Variants in SNX14 observed in about 807,000 individuals in gnomAD.
SNX14 encodes sorting nexin 14.
SNX14 carries 93 observed loss-of-function variants against 133.8 expected under a neutral mutation model. The ratio of observed to expected loss-of-function variants is 0.70; its 90% CI spans 0.59 to 0.83. The LOEUF (loss-of-function observed/expected upper bound fraction) is 0.83. Ranked by LOEUF, SNX14 falls within the 40% of genes least tolerant of loss-of-function variation. The pLI is 0.00. For synonymous variants in SNX14, 368 were observed against 365.6 expected, an observed-to-expected ratio of 1.01 and a Z score of -0.07; for missense variants, 945 against 1,094.9, an observed-to-expected ratio of 0.86 and a Z score of 1.93.
chr6:85,545,231 A>G (rs1487481886), intron 12 of SNX14, among the ~76,000 whole-genome samples: 2 of 152,206 alleles, frequency 1.3e-5, no homozygotes, highest in Non-Finnish European at 2.9e-5. Flanking sequence ...AAAGGCAGCA[A>G]AGGAGAAAAA....
intron 12 of SNX14, 143 bp downstream of exon 12, chr6:85,546,969 A>C: frequency 2.8e-5 from 13 of 468,612 alleles, no homozygotes; most frequent in East Asian, 4.3e-5. Flanking sequence ...CTCAAACAAA[A>C]AAAAAAAAAA....
intron 6 of SNX14, among the ~76,000 whole-genome samples, chr6:85,563,526 G>A (rs1372267938): frequency 1.3e-5 from 2 of 152,078 alleles, no homozygotes; most frequent in East Asian, 3.9e-4. Flanking sequence ...TGAGTAGCTG[G>A]TATTACAGAT....
intron 1 of SNX14, among the ~76,000 whole-genome samples, chr6:85,583,744 G>A (rs145074937): frequency 3.3e-4 from 50 of 152,194 alleles, no homozygotes; most frequent in Admixed American, 9.8e-4. Context: ...AAGGAAATAC[G>A]AGAGGACACA....
chr6:85,533,552 C>T, intron 18 of SNX14, 47 bp downstream of exon 18: 1 of 1,562,212 alleles, frequency 6.4e-7, no homozygotes, highest in East Asian at 2.2e-5. Context: ...TAACAACAGA[C>T]TCATTCATGG....
At chr6:85,541,961 T>C in intron 15 of SNX14, 24 bp downstream of exon 15, 1 of 1,575,680 alleles carries the variant, frequency 6.3e-7, no homozygotes, top group African/African-American at 1.4e-5. Context: ...ATCAGCAAGT[T>C]CAAAAACAAA....
intron 1 of SNX14, chr6:85,588,824 G>A (rs1049992377): frequency 2.2e-6 from 1 of 452,958 alleles, no homozygotes; most frequent in Admixed American, 2.4e-5. Flanking sequence ...AAAACAACAT[G>A]CTATTAAGAA....
intron 1 of SNX14, among the ~76,000 whole-genome samples, chr6:85,582,929 A>G (rs896628754): frequency 1.3e-5 from 2 of 152,240 alleles, no homozygotes; most frequent in African/African-American, 4.8e-5. Flanking sequence ...TTATGAGTCC[A>G]GCATCATCCT....
Position 85,547,526 on chromosome 6 carries a change from T to C in SNX14, c.892A>G (p.Ile298Val), listed in dbSNP as rs1419170975. ...DPDTVNHLLIIFIDDSPPEKA... is the reference protein window; with the variant it reads ...DPDTVNHLLIVFIDDSPPEKA... ...CTCACTGGACTGTCATCTATGAAGATGATAAGCAAATGATTCACAGTATCC... is the reference window on the plus strand; with the variant it reads ...CTCACTGGACTGTCATCTATGAAGACGATAAGCAAATGATTCACAGTATCC... Residue 298 changes from isoleucine (I) to valine (V), a missense_variant, in exon 10 of 29, where the codon ATC (isoleucine) becomes GTC (valine). Physicochemically the swap from Ile to Val is conservative, Grantham distance 29 (BLOSUM62 3). Coordinates refer to ENST00000314673, the MANE Select transcript of SNX14 (RefSeq NM_153816.6). 1 of 1,603,758 alleles carries C rather than the reference T, an allele frequency of 6.2e-7. No homozygotes were observed.
At position 85,528,319 on chromosome 6, in the gene SNX14, G is replaced by A; in HGVS notation, c.1938C>T (p.Gly646=). The change falls in exon 20 of 29, where the codon GGC becomes GGT. Residue 646 remains glycine, a synonymous_variant. Coordinates refer to ENST00000314673, the MANE Select transcript of SNX14 (RefSeq NM_153816.6). ...ACTTTAAGAATTCATAATTTTTGGG[G>A]CCAATGATCCTCTTAGAAGGAAGCT... The part of the protein sequence containing the change: ...DAQLPSKRII[G]PKNYEFLKSK... The A allele has an allele frequency of 6.2e-7, 1 of 1,613,092 alleles. No homozygotes were observed. The highest frequency in any genetic ancestry group is 8.5e-7 in the Non-Finnish European group (1 of 1,179,546).
intron 28 of SNX14, 75 bp downstream of exon 28, chr6:85,507,157 AT>A: frequency 3.1e-6 from 4 of 1,301,336 alleles, no homozygotes; most frequent in Non-Finnish European, 4.4e-6. Flanking sequence ...GTTTTCTTAC[AT>A]TTATGTCCCT....
At chr6:85,558,117 G>C (rs541653833) in intron 6 of SNX14, 57 bp from the exon 7 acceptor site, 2 of 821,372 alleles carry the variant, frequency 2.4e-6, no homozygotes, top group East Asian at 5.0e-5. Context: ...TACAATGGCA[G>C]GTACACTACA....
At chr6:85,508,927 C>G (rs115732169) in intron 26 of SNX14, among the ~76,000 whole-genome samples, 1,683 of 152,248 alleles carry the variant, frequency 0.011, 29 homozygotes, top group African/African-American at 0.038. Flanking sequence ...AATTCTAATG[C>G]TAGGAGACAA....
intron 26 of SNX14, among the ~76,000 whole-genome samples, chr6:85,512,996 C>T (rs1328869584): frequency 6.6e-6 from 1 of 152,194 alleles, no homozygotes; most frequent in Non-Finnish European, 1.5e-5. Context: ...CATACTTTCT[C>T]CCTATGCTTT....
intron 17 of SNX14, among the ~76,000 whole-genome samples, chr6:85,535,439 C>T (rs1328005874): frequency 6.6e-6 from 1 of 151,436 alleles, no homozygotes; most frequent in African/African-American, 2.4e-5. Context: ...TGGTGAAACC[C>T]CATCCTTACC....
chr6:85,532,193 G>C (rs1012949275), intron 18 of SNX14, among the ~76,000 whole-genome samples: 3 of 152,082 alleles, frequency 2.0e-5, no homozygotes, highest in Non-Finnish European at 4.4e-5. Context: ...AAAAACAAAA[G>C]TATATTCCAA....
chr6:85,507,866 TTAG>T (rs1434201205), intron 27 of SNX14, 99 bp downstream of exon 27: 1 of 719,248 alleles, frequency 1.4e-6, no homozygotes, highest in Non-Finnish European at 2.2e-6. Context: ...TTGCCTTGGT[TTAG>T]TATAGTGTCA....
At chr6:85,523,470 C>A (rs1181623826) in intron 21 of SNX14, among the ~76,000 whole-genome samples, 1 of 152,112 alleles carries the variant, frequency 6.6e-6, no homozygotes, top group Non-Finnish European at 1.5e-5. Context: ...CGTACAGAAT[C>A]TGGGAACTAA....
chr6:85,586,216 C>G (rs1442197749), intron 1 of SNX14, among the ~76,000 whole-genome samples: 2 of 152,024 alleles, frequency 1.3e-5, no homozygotes, highest in Non-Finnish European at 2.9e-5. Context: ...GGCCTGTGGA[C>G]AAAAGTATAC....
At chr6:85,527,057 A>T (rs1778717536) in intron 20 of SNX14, among the ~76,000 whole-genome samples, 1 of 152,182 alleles carries the variant, frequency 6.6e-6, no homozygotes, top group Non-Finnish European at 1.5e-5. Context: ...TGACAAGAGC[A>T]AAACTCTGTC....
Sources: gnomAD v4.1 joint callset for allele counts (sites outside exome capture counted in the v4.1 genomes callset) on GRCh38, gnomAD v4.1.1 for gene constraint, MANE v1.5 for transcripts, NCBI Gene and HGNC (gene_info 2026-07-23, HGNC 2026-07-21) for gene names.